Variants in CUX1 observed in about 807,000 individuals in gnomAD.
The protein encoded by CUX1 is cut like homeobox 1.
In CUX1, 31 loss-of-function variants were observed where a neutral mutation model predicts 158.8. The ratio of observed to expected loss-of-function variants is 0.20; its 90% confidence interval spans 0.15 to 0.26. CUX1 has a LOEUF of 0.26. CUX1 is among the 10% of genes least tolerant of loss of function. The pLI, the probability that CUX1 is intolerant of heterozygous loss-of-function variation, is 1.00. For synonymous variants in CUX1, 879 were observed against 862.1 expected (o/e 1.02, Z -0.34); for missense variants, 1,589 against 2,014.6 (o/e 0.79, Z 4.04).
At chr7:102,194,005 G>T (rs1025334227) in intron 13 of CUX1, 115 bp downstream of exon 13, 1 of 994,490 alleles carries the variant, frequency 1.0e-6, no homozygotes, top group Non-Finnish European at 1.6e-6. Flanking sequence ...ACTTACAGCC[G>T]ATGAGTCATA....
At chr7:101,873,569 AT>A (rs1442409386) in intron 1 of CUX1, among the ~76,000 whole-genome samples, 1 of 152,092 alleles carries the variant, frequency 6.6e-6, no homozygotes, top group African/African-American at 2.4e-5. Flanking sequence ...TAGATGAAAC[AT>A]TTTAGGTTTC....
At chr7:102,276,864 G>A (rs1791641830) in intron 17 of CUX1, among the ~76,000 whole-genome samples, 1 of 152,082 alleles carries the variant, frequency 6.6e-6, no homozygotes, top group African/African-American at 2.4e-5. Context: ...TAAATGTTCT[G>A]GAATTAGGTA....
At chr7:102,176,392 C>T (rs1201272646) in intron 10 of CUX1, among the ~76,000 whole-genome samples, 2 of 151,974 alleles carry the variant, frequency 1.3e-5, no homozygotes, top group East Asian at 1.9e-4. Flanking sequence ...GGGGGGACAG[C>T]GGCAAGGACA....
chr7:102,158,427 C>T (rs1790029475), intron 8 of CUX1, 133 bp from the exon 9 acceptor site: 1 of 745,692 alleles, frequency 1.3e-6, no homozygotes. Context: ...AGCCCACCTC[C>T]TCCTGCTGGA....
chr7:102,098,018 C>T (rs1554484924), intron 5 of CUX1, among the ~76,000 whole-genome samples: 3 of 152,330 alleles, frequency 2.0e-5, no homozygotes, highest in South Asian at 2.1e-4. Context: ...TTTGCCCAGC[C>T]GTCAACAAGA....
intron 1 of CUX1, chr7:101,913,423 C>T (rs1803738041): frequency 8.0e-7 from 1 of 1,252,402 alleles, no homozygotes; most frequent in Non-Finnish European, 1.0e-6. Flanking sequence ...ACTGGCTCTG[C>T]AGCCCCGGGA....
chr7:102,206,951 C>T (rs965939013), intron 20 of CUX1, among the ~76,000 whole-genome samples: 5 of 152,142 alleles, frequency 3.3e-5, no homozygotes, highest in Non-Finnish European at 4.4e-5. Flanking sequence ...CCCCTGGTGC[C>T]AGGCCTGCTA....
At position 102,195,434 on chromosome 7, in the gene CUX1, C is replaced by T. The variant is rs1203673561; in HGVS notation, c.1126-73C>T. The T allele has an allele frequency of 4.0e-6, 5 of 1,255,008 alleles. No individual in the cohort carries two copies. The Admixed American group carries it at 1.0e-4, about 25-fold the overall frequency. 77.7% of individuals were successfully genotyped at this position (1,255,008 alleles called of 1,614,324 possible). A position where few individuals can be genotyped will look rare whatever the true frequency, so the allele number is the denominator to read the frequency against. ...CGCGGACAGATGGAGGGAGGCAGGG[C>T]TCCAGGCCTGGTGGCCCCGGGAGCG... On this transcript the variant is annotated intron_variant, in intron 13 of 23. Coordinates refer to ENST00000292535, the MANE Select transcript of CUX1 (RefSeq NM_181552.4).
intron 2 of CUX1, among the ~76,000 whole-genome samples, chr7:101,973,909 C>T (rs1210516730): frequency 6.6e-6 from 1 of 151,296 alleles, no homozygotes; most frequent in Non-Finnish European, 1.5e-5. Flanking sequence ...GCTGGGATTA[C>T]AGGTGTCCGC....
chr7:102,091,490 C>A (rs1828575394), intron 4 of CUX1, among the ~76,000 whole-genome samples: 1 of 151,978 alleles, frequency 6.6e-6, no homozygotes, highest in South Asian at 2.1e-4. Flanking sequence ...TCCCACCATG[C>A]CCAGCTAATT....
intron 1 of CUX1, among the ~76,000 whole-genome samples, chr7:101,853,814 C>T (rs945947529): frequency 7.2e-5 from 11 of 152,130 alleles, no homozygotes; most frequent in Non-Finnish European, 1.5e-4. Flanking sequence ...GTCTTCTAGG[C>T]ACCAGGCTGG....
In CUX1 at chr7:101,920,126, G is replaced by GT. The variant is rs11368186; in HGVS notation, c.141+3914dup. 9.2e-4 allele frequency among the ~76,000 whole-genome samples: 133 copies of GT among 144,162 alleles called. 1 individual carries two copies. Among genetic ancestry groups the GT allele is most frequent in the South Asian group, 5.5e-3 (25 of 4,584 alleles). 94.6% of individuals were successfully genotyped at this position (144,162 alleles called of 152,430 possible). ...ATTTTATTTTATTTTATTTTTATGTGTTTTTTTTTTTTTCTTCAAGTGTCT... is the reference window on the plus strand; with the variant it reads ...ATTTTATTTTATTTTATTTTTATGTGTTTTTTTTTTTTTTCTTCAAGTGTCT... On this transcript the variant is annotated intron_variant, in intron 2 of 23. Coordinates refer to ENST00000292535, the MANE Select transcript of CUX1 (RefSeq NM_181552.4).
intron 17 of CUX1, 80 bp downstream of exon 17, chr7:102,200,252 A>G (rs537017714): frequency 8.4e-7 from 1 of 1,184,698 alleles, no homozygotes; most frequent in South Asian, 1.5e-5. Context: ...AGCAGTAATT[A>G]ACTATTTTTT....
In CUX1 at chr7:102,179,452, C is replaced by A. The variant is rs576011411; in HGVS notation, c.1017+795C>A. On this transcript the variant is annotated intron_variant, in intron 11 of 23. Transcript: ENST00000292535. ...CTTCCGGTGCATGAGCCAAATGAAA[C>A]CCCAGAGGTCCATGGAAGTCACATC... 2.6e-5 allele frequency among the ~76,000 whole-genome samples: 4 copies of A among 152,236 alleles called. No individual in the cohort carries two copies. The South Asian group carries it at 6.2e-4, about 24-fold the overall frequency.
At chr7:102,039,385 A>G (rs1308119409) in intron 3 of CUX1, among the ~76,000 whole-genome samples, 3 of 151,982 alleles carry the variant, frequency 2.0e-5, no homozygotes, top group Non-Finnish European at 1.5e-5. Context: ...ATCTCAGCCA[A>G]CCTTTCCAGT....
At chr7:102,074,667 G>C (rs1826506145) in intron 4 of CUX1, among the ~76,000 whole-genome samples, 1 of 152,202 alleles carries the variant, frequency 6.6e-6, no homozygotes, top group Non-Finnish European at 1.5e-5. Flanking sequence ...GGTTGCACTG[G>C]TGACTCTCAG....
intron 1 of CUX1, among the ~76,000 whole-genome samples, chr7:101,847,358 T>C (rs1459177907): frequency 6.6e-6 from 1 of 152,116 alleles, no homozygotes; most frequent in Non-Finnish European, 1.5e-5. Context: ...AGATGACCCA[T>C]GTTTGGCGGC....
intron 11 of CUX1, among the ~76,000 whole-genome samples, chr7:102,186,391 C>G (rs1223014800): frequency 2.6e-5 from 4 of 152,042 alleles, no homozygotes; most frequent in Non-Finnish European, 5.9e-5. Flanking sequence ...TGGGGACTTC[C>G]TAGTTCAACT....
At chr7:102,228,989 T>G (rs2132368298) in intron 21 of CUX1, among the ~76,000 whole-genome samples, 1 of 152,258 alleles carries the variant, frequency 6.6e-6, no homozygotes, top group South Asian at 2.1e-4. Flanking sequence ...GAAACTGGAG[T>G]AACCACGCCT....
Sources: gnomAD v4.1 joint callset for allele counts (sites outside exome capture counted in the v4.1 genomes callset) on GRCh38, gnomAD v4.1.1 for gene constraint, MANE v1.5 for transcripts, NCBI Gene and HGNC (gene_info 2026-07-23, HGNC 2026-07-21) for gene names.